ETV6: variants seen among roughly 807,000 people sequenced by gnomAD.
ETV6 encodes transcription factor ETV6.
A neutral mutation model predicts 51.1 loss-of-function variants in ETV6; 16 were observed. The observed-to-expected ratio is 0.31, with a 90% CI of 0.21 to 0.48. The LOEUF (loss-of-function observed/expected upper bound fraction) is 0.48, where lower values mean the gene tolerates loss of function less well. Among genes scored for constraint, ETV6 ranks in the 20% least tolerant of loss-of-function variants. The pLI is 0.99. For missense variants in ETV6, 458 were observed against 594.8 expected (o/e 0.77, Z 2.39); for synonymous variants, 240 against 224.1 (o/e 1.07, Z -0.64).
chr12:11,877,359 A>G (rs1413371027), intron 5 of ETV6, among the ~76,000 whole-genome samples: 1 of 152,032 alleles, frequency 6.6e-6, no homozygotes, highest in Non-Finnish European at 1.5e-5. Context: ...TGACAGCTAA[A>G]AGACCTCGTA....
rs900687655 is a variant in ETV6, at chr12:11,727,912, C to G, written c.34-24538C>G. On this transcript the variant is annotated intron_variant, in intron 1 of 7. Coordinates refer to ENST00000396373, the MANE Select transcript of ETV6 (RefSeq NM_001987.5). ...TCAGCTCACTCCACCCTCTACCTCC[C>G]GGGCTCAAGCAGTTCTCCTGCCTCA... Among the ~76,000 whole-genome samples the G allele has an allele frequency of 3.3e-5, 5 of 152,112 alleles. No homozygotes were observed. In the East Asian group the frequency reaches 7.7e-4, roughly 23 times the overall value.
At chr12:11,706,874 T>C (rs1263907853) in intron 1 of ETV6, among the ~76,000 whole-genome samples, 3 of 152,256 alleles carry the variant, frequency 2.0e-5, no homozygotes, top group Non-Finnish European at 4.4e-5. Flanking sequence ...AGGTTGATGC[T>C]GCTTGTTTGG....
intron 1 of ETV6, among the ~76,000 whole-genome samples, chr12:11,662,194 T>C (rs1864112569): frequency 1.3e-5 from 2 of 152,094 alleles, no homozygotes; most frequent in African/African-American, 4.8e-5. Flanking sequence ...TACTTATCTT[T>C]TGGGTGCAAG....
Position 11,884,584 on chromosome 12 carries a change from T to C in ETV6, c.1149T>C (p.His383=). 6.2e-7 allele frequency: 1 copy of C among 1,614,026 alleles called. No individual in the cohort carries two copies. Among genetic ancestry groups the C allele is most frequent in the Non-Finnish European group, 8.5e-7 (1 of 1,180,008 alleles). The change falls in exon 6 of 8, where the codon CAT becomes CAC. Residue 383 remains histidine, a synonymous_variant. Transcript: ENST00000396373. ...GACTGGCTCGACTGTGGGGAAACCA[T>C]AAGGTAAAAGGGCAGCAGATATCTG... The part of the protein sequence containing the change: ...PNGLARLWGN[H]KNRTNMTYEK...
Position 11,650,094 on chromosome 12 carries a change from C to A in ETV6, c.-34C>A. 1 of 1,610,524 alleles carries A rather than the reference C, an allele frequency of 6.2e-7. No homozygotes were observed. Among genetic ancestry groups the A allele is most frequent in the South Asian group, 1.1e-5 (1 of 90,980 alleles). ...GGAGAGGAAAGGAAAGTGGAAAAAA[C>A]CTGAGAACTTCCTGATCTCTCTCGC... On this transcript the variant is annotated 5_prime_UTR_variant, in exon 1 of 8. Transcript: ENST00000396373.
intron 2 of ETV6, among the ~76,000 whole-genome samples, chr12:11,777,501 G>T (rs759344677): frequency 6.6e-6 from 1 of 151,452 alleles, no homozygotes; most frequent in Non-Finnish European, 1.5e-5. Flanking sequence ...TGTCCATCAG[G>T]GCGTAGTGGG....
At chr12:11,735,088 T>TC (rs1865678276) in intron 1 of ETV6, among the ~76,000 whole-genome samples, 1 of 122,434 alleles carries the variant, frequency 8.2e-6, no homozygotes, top group South Asian at 2.8e-4. Context: ...AAGGTGGCCT[T>TC]TTTTTTTTTT....
chr12:11,888,964 T>TC (rs1478449919), intron 7 of ETV6, among the ~76,000 whole-genome samples: 1 of 152,140 alleles, frequency 6.6e-6, no homozygotes, highest in Non-Finnish European at 1.5e-5. Flanking sequence ...CAAGTCCTTC[T>TC]CCCCGACAAC....
At chr12:11,692,172 ATTAATGGG>A (rs929161127) in intron 1 of ETV6, among the ~76,000 whole-genome samples, 1 of 152,088 alleles carries the variant, frequency 6.6e-6, no homozygotes, top group East Asian at 1.9e-4. Context: ...GGATTAATGG[ATTAATGGG>A]TTATTATGGG....
At chr12:11,711,192 T>C (rs74895972) in intron 1 of ETV6, among the ~76,000 whole-genome samples, 8,064 of 152,262 alleles carry the variant, frequency 0.053, 671 homozygotes, top group African/African-American at 0.18. Context: ...GGCATTAAGT[T>C]TTGCCTCTCC....
rs538280452 is a variant in ETV6, at chr12:11,699,752, C to T, written c.33+49592C>T. Among the ~76,000 whole-genome samples the T allele has an allele frequency of 1.4e-3, 213 of 152,082 alleles. 2 individuals carry two copies. Among genetic ancestry groups the T allele is most frequent in the Non-Finnish European group, 2.6e-3 (180 of 67,972 alleles). On this transcript the variant is annotated intron_variant, in intron 1 of 7. Transcript: ENST00000396373. The stretch of plus-strand genomic sequence containing the variant: ...CCACATCCCAAAATGTTGTGGCCAC[C>T]CTCTGTGTTATGTAAAATGTAGGAA...
chr12:11,810,097 G>T (rs1451475173), intron 2 of ETV6, among the ~76,000 whole-genome samples: 1 of 152,112 alleles, frequency 6.6e-6, no homozygotes, highest in African/African-American at 2.4e-5. Flanking sequence ...GGGATTACAG[G>T]CGTGAGCCAC....
At chr12:11,799,384 CATG>C (rs1945716777) in intron 2 of ETV6, among the ~76,000 whole-genome samples, 1 of 152,182 alleles carries the variant, frequency 6.6e-6, no homozygotes, top group Non-Finnish European at 1.5e-5. Context: ...CATAAGCACA[CATG>C]AAGTGTCCAT....
chr12:11,695,604 A>G (rs1864861669), intron 1 of ETV6, among the ~76,000 whole-genome samples: 1 of 152,208 alleles, frequency 6.6e-6, no homozygotes, highest in African/African-American at 2.4e-5. Context: ...TCTTTTTCTC[A>G]ACCGGGTTTC....
At position 11,893,002 on chromosome 12, in the gene ETV6, C is replaced by T. The variant is rs1348077924; in HGVS notation, c.*1956C>T. 1.7e-5 allele frequency: 4 copies of T among 232,830 alleles called. No homozygotes were observed. The highest frequency in any genetic ancestry group is 1.2e-4 in the East Asian group (2 of 16,542). 14.4% of individuals were successfully genotyped at this position (232,830 alleles called of 1,614,324 possible). A position where few individuals can be genotyped will look rare whatever the true frequency, so the allele number is the denominator to read the frequency against. Reference sequence around the variant, plus strand: ...ACAGGCGCCCCACCATTCAACCTTCCGGGAGGTCAGGGACCTTCTATATGA... The same window carrying T: ...ACAGGCGCCCCACCATTCAACCTTCTGGGAGGTCAGGGACCTTCTATATGA... On this transcript the variant is annotated 3_prime_UTR_variant, in exon 8 of 8. Coordinates refer to ENST00000396373, the MANE Select transcript of ETV6 (RefSeq NM_001987.5).
chr12:11,715,170 C>G (rs550529062), intron 1 of ETV6, among the ~76,000 whole-genome samples: 1 of 152,090 alleles, frequency 6.6e-6, no homozygotes, highest in Non-Finnish European at 1.5e-5. Context: ...CACTGAAAAC[C>G]ACGATATTAC....
chr12:11,853,686 T>C, intron 4 of ETV6, 125 bp downstream of exon 4: 2 of 1,072,638 alleles, frequency 1.9e-6, no homozygotes, highest in South Asian at 1.5e-5. Context: ...AATTATTGAG[T>C]GCTTACTATG....
intron 1 of ETV6, among the ~76,000 whole-genome samples, chr12:11,705,544 T>C (rs1021642035): frequency 3.9e-5 from 6 of 152,356 alleles, no homozygotes; most frequent in Middle Eastern, 3.4e-3. Context: ...AAAATAATAA[T>C]AACTTGATTT....
At position 11,778,252 on chromosome 12, in the gene ETV6, G is replaced by A. The variant is rs115434424; in HGVS notation, c.163+25673G>A. Among the ~76,000 whole-genome samples the A allele has an allele frequency of 2.5e-3, 374 of 152,342 alleles. 2 individuals carry two copies. The highest frequency in any genetic ancestry group is 8.7e-3 in the African/African-American group (362 of 41,574). On this transcript the variant is annotated intron_variant, in intron 2 of 7. Coordinates refer to ENST00000396373, the MANE Select transcript of ETV6 (RefSeq NM_001987.5). ...AAGGGCCCTGTCCAGCATCTGGCAC[G>A]TGGCAGGTCCTCCGTGAATGACAGC...
Sources: allele counts gnomAD v4.1 joint callset (sites outside exome capture counted in the v4.1 genomes callset), GRCh38; gene constraint gnomAD v4.1.1; transcripts MANE v1.5; gene names NCBI Gene and HGNC (gene_info 2026-07-23, HGNC 2026-07-21).